The following FHIT variants were observed in gnomAD, a reference collection of about 807,000 sequenced individuals.
FHIT encodes bis(5'-adenosyl)-triphosphatase.
In FHIT, 19 loss-of-function variants were observed where a neutral mutation model predicts 17.9. The ratio of observed to expected loss-of-function variants is 1.06; its 90% CI spans 0.74 to 1.56. The LOEUF is 1.56. FHIT is among the 40% of genes most tolerant of loss of function. FHIT has a pLI of 0.00. For synonymous variants in FHIT, 81 were observed against 69.7 expected (o/e 1.16, Z -0.81); for missense variants, 248 against 189.2 (o/e 1.31, Z -1.82).
At chr3:60,716,387 G>T (rs2041683793) in intron 4 of FHIT, among the ~76,000 whole-genome samples, 1 of 151,692 alleles carries the variant, frequency 6.6e-6, no homozygotes, top group African/African-American at 2.4e-5. Context: ...TTAAATATTT[G>T]TATTATTTTT....
At chr3:61,104,220 G>A (rs190225935) in intron 2 of FHIT, among the ~76,000 whole-genome samples, 53 of 152,114 alleles carry the variant, frequency 3.5e-4, no homozygotes, top group African/African-American at 1.0e-3. Context: ...CATTCTTCCC[G>A]TATTTAGTGC....
chr3:60,325,246 G>A (rs1709635961), intron 5 of FHIT, among the ~76,000 whole-genome samples: 1 of 152,136 alleles, frequency 6.6e-6, no homozygotes, highest in Admixed American at 6.6e-5. Context: ...TAACTGGCCA[G>A]AGGGTTTTTA....
intron 5 of FHIT, among the ~76,000 whole-genome samples, chr3:60,220,411 T>C (rs947040963): frequency 6.6e-6 from 1 of 152,042 alleles, no homozygotes; most frequent in African/African-American, 2.4e-5. Flanking sequence ...CCTCAAATTA[T>C]GGAAATAATG....
intron 3 of FHIT, among the ~76,000 whole-genome samples, chr3:60,963,587 A>C (rs2107505077): frequency 6.6e-6 from 1 of 152,278 alleles, no homozygotes; most frequent in East Asian, 1.9e-4. Flanking sequence ...ATTTCCCTCT[A>C]CACACTGCTT....
At chr3:60,324,566 T>TC (rs1220421304) in intron 5 of FHIT, among the ~76,000 whole-genome samples, 2 of 78,014 alleles carry the variant, frequency 2.6e-5, no homozygotes, top group Non-Finnish European at 4.7e-5. Flanking sequence ...AGAGCGAGAC[T>TC]CCATCAGAAA....
chr3:60,427,854 T>A (rs1702731042), intron 5 of FHIT, among the ~76,000 whole-genome samples: 1 of 152,070 alleles, frequency 6.6e-6, no homozygotes, highest in Non-Finnish European at 1.5e-5. Context: ...CCCATCTACC[T>A]CTTGCTCAAT....
intron 5 of FHIT, among the ~76,000 whole-genome samples, chr3:60,436,002 T>C (rs12488124): frequency 0.17 from 26,370 of 152,156 alleles, 2,513 homozygotes; most frequent in Admixed American, 0.28. Context: ...TTCTCTTTTA[T>C]GGCTGCATAG....
In FHIT at chr3:60,729,128, G is replaced by A. The variant is rs552770985; in HGVS notation, c.-18+92791C>T. On this transcript the variant is annotated intron_variant, in intron 4 of 9. Transcript: ENST00000492590. ...CAGTGCCCTGGTTAAACAGTGGCCC[G>A]AAGGCCACGGATCAAAAATAAAATA... Among the ~76,000 whole-genome samples the A allele has an allele frequency of 9.2e-5, 14 of 152,302 alleles. No individual in the cohort carries two copies. The East Asian group carries it at 1.2e-3, about 13-fold the overall frequency.
chr3:60,942,261 C>T (rs1708444750), intron 3 of FHIT, among the ~76,000 whole-genome samples: 1 of 152,048 alleles, frequency 6.6e-6, no homozygotes. Context: ...TATGTTAGCA[C>T]CAGCATAATT....
At chr3:60,617,516 T>C (rs1553676408) in intron 4 of FHIT, 1 of 153,542 alleles carries the variant, frequency 6.5e-6, no homozygotes, top group African/African-American at 2.4e-5. Context: ...CCCTTTCATC[T>C]TAATTCAGGG....
intron 3 of FHIT, among the ~76,000 whole-genome samples, chr3:60,953,157 C>G (rs782392289): frequency 1.3e-5 from 2 of 152,080 alleles, no homozygotes; most frequent in Non-Finnish European, 2.9e-5. Flanking sequence ...ATTCGTAACC[C>G]AAACAAACAA....
chr3:60,475,986 C>T (rs1477657980), intron 5 of FHIT, among the ~76,000 whole-genome samples: 3 of 152,142 alleles, frequency 2.0e-5, no homozygotes, highest in African/African-American at 4.8e-5. Context: ...GAACTTGGCA[C>T]AAGAACTGGC....
At chr3:60,725,347 T>C (rs181187583) in intron 4 of FHIT, among the ~76,000 whole-genome samples, 2 of 152,350 alleles carry the variant, frequency 1.3e-5, no homozygotes, top group African/African-American at 2.4e-5. Context: ...GCACCGTAGC[T>C]AAGAAACCAT....
chr3:60,768,350 T>C (rs1575500246), intron 4 of FHIT, among the ~76,000 whole-genome samples: 1 of 152,198 alleles, frequency 6.6e-6, no homozygotes, highest in Non-Finnish European at 1.5e-5. Context: ...AATATCTGTC[T>C]ATGTGAATGT....
chr3:60,883,818 T>C (rs1476343867), intron 3 of FHIT, among the ~76,000 whole-genome samples: 1 of 152,050 alleles, frequency 6.6e-6, no homozygotes, highest in Non-Finnish European at 1.5e-5. Context: ...ATTTTTTGGA[T>C]AAGACCTCAA....
rs141863743 is a variant in FHIT at position 60,339,708 on chromosome 3, T to A, written c.103+197152A>T. 6.6e-5 allele frequency among the ~76,000 whole-genome samples: 10 copies of A among 152,312 alleles called. No individual in the cohort carries two copies. In the East Asian group the frequency reaches 1.9e-3, roughly 29 times the overall value. On this transcript the variant is annotated intron_variant, in intron 5 of 9. Transcript: ENST00000492590. ...TAACAGCTGTGAATCAAAACACTAG[T>A]GACTGAAATTAACTACATCGTGCTT... is the stretch of plus-strand genomic sequence containing the variant.
intron 5 of FHIT, among the ~76,000 whole-genome samples, chr3:60,473,465 C>CA (rs2033188933): frequency 6.6e-6 from 1 of 152,180 alleles, no homozygotes; most frequent in African/African-American, 2.4e-5. Flanking sequence ...AGAATAAATA[C>CA]AATGTGAAGA....
chr3:59,753,053 A>G (rs1428465658), intron 8 of FHIT, among the ~76,000 whole-genome samples: 1 of 152,008 alleles, frequency 6.6e-6, no homozygotes, highest in Admixed American at 6.6e-5. Flanking sequence ...TACTTCCTGG[A>G]TTTTGAAGGC....
chr3:60,367,315 C>T (rs539162380), intron 5 of FHIT, among the ~76,000 whole-genome samples: 1 of 152,134 alleles, frequency 6.6e-6, no homozygotes, highest in Admixed American at 6.5e-5. Context: ...GCCCTGGGAC[C>T]AAATAGCTAA....
Sources: allele counts gnomAD v4.1 joint callset (sites outside exome capture counted in the v4.1 genomes callset), GRCh38; gene constraint gnomAD v4.1.1; transcripts MANE v1.5; gene names NCBI Gene and HGNC (gene_info 2026-07-23, HGNC 2026-07-21).